Variants in XKR4 observed in about 807,000 individuals in gnomAD.
XKR4 encodes XK-related protein 4.
XKR4 carries 12 observed loss-of-function variants against 53.9 expected under a neutral mutation model. The ratio of observed to expected loss-of-function variants is 0.22; its 90% confidence interval spans 0.14 to 0.36. The LOEUF (loss-of-function observed/expected upper bound fraction) is 0.36. Ranked by LOEUF, XKR4 falls within the 10% of genes least tolerant of loss-of-function variation. The probability of loss-of-function intolerance (pLI) is 1.00; values close to 1 mark genes in which losing one functional copy is unlikely to be tolerated. For missense variants in XKR4, 799 were observed against 859.5 expected (o/e 0.93, Z 0.88); for synonymous variants, 354 against 362.4 (o/e 0.98, Z 0.26).
chr8:55,504,187 T>TTTTTGTTTTGTTTTGTTTTGTTTTG (rs34175312), intron 2 of XKR4, among the ~76,000 whole-genome samples: 1 of 145,898 alleles, frequency 6.9e-6, no homozygotes, highest in Non-Finnish European at 1.5e-5. Flanking sequence ...GTTGTTGTTG[T>TTTTTGTTTTGTTTTGTTTTGTTTTG]TTTTGTTTTG....
At chr8:55,385,774 G>A (rs932166984) in intron 2 of XKR4, among the ~76,000 whole-genome samples, 3 of 152,114 alleles carry the variant, frequency 2.0e-5, no homozygotes, top group Admixed American at 6.5e-5. Flanking sequence ...GAAATACATT[G>A]CACTCATATG....
chr8:55,236,912 T>C (rs1818134813), intron 1 of XKR4, among the ~76,000 whole-genome samples: 1 of 152,262 alleles, frequency 6.6e-6, no homozygotes. Context: ...TCAGTCACTA[T>C]TCCTACCATC....
chr8:55,176,246 T>C (rs1817232787), intron 1 of XKR4, among the ~76,000 whole-genome samples: 1 of 152,246 alleles, frequency 6.6e-6, no homozygotes, highest in Non-Finnish European at 1.5e-5. Context: ...ATGTATTCTA[T>C]AAATGCAGCA....
At chr8:55,450,123 G>T in intron 2 of XKR4, 7 of 694,916 alleles carry the variant, frequency 1.0e-5, no homozygotes, top group East Asian at 3.0e-5. Flanking sequence ...TAGCGGGTCG[G>T]CTCAGCTCTG....
intron 1 of XKR4, among the ~76,000 whole-genome samples, chr8:55,301,697 G>A (rs1753532323): frequency 1.3e-5 from 2 of 152,162 alleles, no homozygotes; most frequent in Admixed American, 1.3e-4. Flanking sequence ...TCTAACTGGT[G>A]TGAGATGGTA....
intron 1 of XKR4, among the ~76,000 whole-genome samples, chr8:55,267,211 T>C (rs1223098005): frequency 2.6e-5 from 4 of 151,470 alleles, no homozygotes; most frequent in African/African-American, 9.8e-5. Context: ...TAATAAGGAA[T>C]ATCCAAACTA....
intron 1 of XKR4, among the ~76,000 whole-genome samples, chr8:55,170,719 C>T (rs60352322): frequency 0.067 from 10,155 of 152,256 alleles, 561 homozygotes; most frequent in African/African-American, 0.15. Context: ...GCAGGCATAA[C>T]GACTGTCATG....
chr8:55,172,657 A>T (rs1395005077), intron 1 of XKR4, among the ~76,000 whole-genome samples: 1 of 152,220 alleles, frequency 6.6e-6, no homozygotes, highest in East Asian at 1.9e-4. Context: ...TAAAAAACAC[A>T]TGTATGACAT....
chr8:55,242,449 A>G (rs1284727488), intron 1 of XKR4, among the ~76,000 whole-genome samples: 1 of 152,214 alleles, frequency 6.6e-6, no homozygotes, highest in Non-Finnish European at 1.5e-5. Flanking sequence ...CACCTGTGAC[A>G]AAGGAAATGC....
chr8:55,286,590 C>T (rs185818440), intron 1 of XKR4, among the ~76,000 whole-genome samples: 50 of 152,260 alleles, frequency 3.3e-4, no homozygotes, highest in Non-Finnish European at 6.3e-4. Flanking sequence ...CCTCCAGCAG[C>T]AGGGCTGTTG....
intron 2 of XKR4, among the ~76,000 whole-genome samples, chr8:55,369,351 A>AAAGGG (rs751982806): frequency 0.025 from 2,344 of 95,526 alleles, 81 homozygotes; most frequent in Non-Finnish European, 0.029. Flanking sequence ...CTGAGAAAGG[A>AAAGGG]AAGGGAAGGG....
intron 2 of XKR4, among the ~76,000 whole-genome samples, chr8:55,487,934 C>T (rs2129401862): frequency 6.6e-6 from 1 of 152,278 alleles, no homozygotes; most frequent in African/African-American, 2.4e-5. Flanking sequence ...CAAATACAAC[C>T]AAAAATGCAC....
intron 1 of XKR4, among the ~76,000 whole-genome samples, chr8:55,289,713 G>GAAAGAA (rs1389285232): frequency 3.9e-5 from 3 of 77,450 alleles, no homozygotes; most frequent in Admixed American, 1.4e-4. Flanking sequence ...AAGAAAGAAA[G>GAAAGAA]AGAGAGAAAG....
intron 1 of XKR4, among the ~76,000 whole-genome samples, chr8:55,290,411 C>T (rs1049444516): frequency 2.6e-5 from 4 of 151,812 alleles, no homozygotes; most frequent in East Asian, 1.9e-4. Flanking sequence ...ATTACAGGCA[C>T]GAGCCACTTT....
At chr8:55,318,107 T>G (rs1041010082) in intron 1 of XKR4, among the ~76,000 whole-genome samples, 1 of 152,166 alleles carries the variant, frequency 6.6e-6, no homozygotes, top group African/African-American at 2.4e-5. Context: ...TTGGCTTGAA[T>G]CAATGTCTTC....
intron 1 of XKR4, among the ~76,000 whole-genome samples, chr8:55,191,716 G>C (rs984877677): frequency 4.9e-5 from 7 of 142,588 alleles, no homozygotes; most frequent in African/African-American, 1.8e-4. Flanking sequence ...TTCAGAAAGT[G>C]TTTTTAATAG....
chr8:55,205,213 A>C (rs1368424227), intron 1 of XKR4, among the ~76,000 whole-genome samples: 1 of 152,240 alleles, frequency 6.6e-6, no homozygotes, highest in African/African-American at 2.4e-5. Context: ...CTTTTCTAAG[A>C]AGCAAAAATC....
At chr8:55,382,983 C>T (rs374652117) in intron 2 of XKR4, among the ~76,000 whole-genome samples, 9 of 152,028 alleles carry the variant, frequency 5.9e-5, no homozygotes, top group African/African-American at 1.2e-4. Flanking sequence ...GAGGCTGAGG[C>T]GGGTGGATCA....
chr8:55,302,846 T>C (rs1353327418), intron 1 of XKR4, among the ~76,000 whole-genome samples: 1 of 152,246 alleles, frequency 6.6e-6, no homozygotes, highest in Non-Finnish European at 1.5e-5. Context: ...ACAATGATTT[T>C]GTATCCTGAG....
Sources: gnomAD v4.1 joint callset for allele counts (sites outside exome capture counted in the v4.1 genomes callset) on GRCh38, gnomAD v4.1.1 for gene constraint, MANE v1.5 for transcripts, NCBI Gene and HGNC (gene_info 2026-07-23, HGNC 2026-07-21) for gene names.